Variants in KLHL2 observed in about 807,000 individuals in gnomAD.
KLHL2 encodes the protein kelch-like protein 2.
Under a neutral mutation model 75.8 loss-of-function variants are expected in KLHL2, and 15 were observed. The ratio of observed to expected loss-of-function variants is 0.20; its 90% CI spans 0.13 to 0.30. The LOEUF (loss-of-function observed/expected upper bound fraction) is 0.30, where lower values mean the gene tolerates loss of function less well. Among genes scored for constraint, KLHL2 ranks in the 10% least tolerant of loss-of-function variants. The pLI is 1.00. For missense variants in KLHL2, 381 were observed against 741.0 expected (o/e 0.51, Z 5.64); for synonymous variants, 214 against 251.9 (o/e 0.85, Z 1.42).
chr4:165,321,183 C>G (rs1197254816), intron 14 of KLHL2: 6 of 450,920 alleles, frequency 1.3e-5, no homozygotes, highest in Non-Finnish European at 2.2e-5. Flanking sequence ...AGTGTATTTC[C>G]TTAAAGTTGC....
intron 7 of KLHL2, 74 bp from the exon 8 acceptor site, chr4:165,299,433 T>C (rs1283372549): frequency 7.3e-7 from 1 of 1,378,436 alleles, no homozygotes; most frequent in East Asian, 2.4e-5. Context: ...TCCTCTCCTT[T>C]ACTTCTTTTT....
At chr4:165,245,743 A>G (rs1561003846) in intron 4 of KLHL2, among the ~76,000 whole-genome samples, 1 of 152,134 alleles carries the variant, frequency 6.6e-6, no homozygotes, top group East Asian at 1.9e-4. Context: ...AAGATCTAAG[A>G]TTTGTAAGAC....
rs188329663 is a variant in KLHL2, at chr4:165,291,370, A to G, written c.545-2989A>G. On this transcript the variant is annotated intron_variant, in intron 5 of 14. Coordinates refer to ENST00000226725, the MANE Select transcript of KLHL2 (RefSeq NM_007246.4). ...ACTTAACCATTTTTTTTTCATGGAT[A>G]ATACTTTTGATGTTGTATCTAAAAA... 1.3e-3 allele frequency among the ~76,000 whole-genome samples: 195 copies of G among 152,230 alleles called. 1 individual carries two copies. Among genetic ancestry groups the G allele is most frequent in the Admixed American group, 2.8e-3 (43 of 15,294 alleles).
intron 5 of KLHL2, among the ~76,000 whole-genome samples, chr4:165,270,456 G>T (rs1742598366): frequency 6.6e-6 from 1 of 152,270 alleles, no homozygotes; most frequent in African/African-American, 2.4e-5. Context: ...CATCTTTGTG[G>T]TTTTAACTAC....
chr4:165,267,860 T>G (rs1742360592), intron 5 of KLHL2, among the ~76,000 whole-genome samples: 1 of 152,244 alleles, frequency 6.6e-6, no homozygotes, highest in African/African-American at 2.4e-5. Context: ...CTTTTTATAT[T>G]GATTGGAATA....
rs530415550 is a variant in KLHL2, at chr4:165,262,847, G to A, written c.382-350G>A. Among the ~76,000 whole-genome samples, 19 of 152,232 alleles carry A rather than the reference G, an allele frequency of 1.2e-4. No individual in the cohort carries two copies. In the South Asian group the frequency reaches 2.7e-3, roughly 22 times the overall value. On this transcript the variant is annotated intron_variant, in intron 4 of 14. Coordinates refer to ENST00000226725, the MANE Select transcript of KLHL2 (RefSeq NM_007246.4). ...TCCTGTCTTGGCCTCCCAAAGTGCC[G>A]GGATTACAGGTGTGAGTCACCATGC... is the stretch of plus-strand genomic sequence containing the variant.
chr4:165,278,064 A>G (rs1484460102), intron 5 of KLHL2: 1 of 1,535,882 alleles, frequency 6.5e-7, no homozygotes. Flanking sequence ...GGCAGACTAC[A>G]GAAGACACTA....
chr4:165,287,475 C>G (rs1744180778), intron 5 of KLHL2, among the ~76,000 whole-genome samples: 1 of 152,188 alleles, frequency 6.6e-6, no homozygotes, highest in Non-Finnish European at 1.5e-5. Flanking sequence ...AATATGTCTT[C>G]AAGACCCTGC....
chr4:165,223,814 C>A lies in KLHL2; in HGVS notation c.152+3755C>A, dbSNP rs1738201216. On this transcript the variant is annotated intron_variant, in intron 2 of 14. Transcript: ENST00000226725. ...AAATTTTTCAAAACACCAACATTTT[C>A]AAAATCAACCCAATAGATCTTCACA... The A allele has an allele frequency of 1.5e-5, 3 of 194,900 alleles. No homozygotes were observed. In the South Asian group the frequency reaches 1.7e-4, roughly 11 times the overall value. The allele number at this position is 194,900 out of a possible 1,614,324, so 12.1% of individuals were successfully genotyped here.
At chr4:165,279,180 A>G in intron 5 of KLHL2, 1 of 1,591,934 alleles carries the variant, frequency 6.3e-7, no homozygotes, top group Non-Finnish European at 8.6e-7. Context: ...TCGAGGAGCC[A>G]GCGAAGTTTC....
intron 3 of KLHL2, among the ~76,000 whole-genome samples, chr4:165,238,460 A>G (rs1579015695): frequency 6.6e-6 from 1 of 152,222 alleles, no homozygotes; most frequent in Non-Finnish European, 1.5e-5. Context: ...CATAAAGACA[A>G]CAAGTGCCCA....
Position 165,207,806 on chromosome 4 carries a change from G to GGCGTCCGC in KLHL2, c.-69_-62dup. ...CGCGGCTCGGCGGGCGGGCAGTGCC[G>GGCGTCCGC]GCGTCCGCGGCTGGAATGGTGCTGG... On this transcript the variant is annotated 5_prime_UTR_variant, in exon 1 of 15. The change abolishes the stop of an existing upstream ORF in the 5' untranslated region. Transcript: ENST00000226725. The surrounding 1 kb of genome is among the most constrained non-coding windows in gnomAD (Gnocchi z 4.2). The GGCGTCCGC allele has an allele frequency of 7.4e-7, 1 of 1,348,654 alleles. No homozygotes were observed. Among genetic ancestry groups the GGCGTCCGC allele is most frequent in the Non-Finnish European group, 9.8e-7 (1 of 1,020,026 alleles). The allele number at this position is 1,348,654 out of a possible 1,614,324, so 83.5% of individuals were successfully genotyped here.
At chr4:165,238,706 A>C in intron 3 of KLHL2, 72 bp from the exon 4 acceptor site, 2 of 1,596,152 alleles carry the variant, frequency 1.3e-6, no homozygotes, top group Non-Finnish European at 1.7e-6. Flanking sequence ...AAGATGTATC[A>C]ATCTACATTG....
intron 13 of KLHL2, among the ~76,000 whole-genome samples, 197 bp from the exon 14 acceptor site, chr4:165,317,629 T>G (rs915577365): frequency 6.6e-6 from 1 of 152,312 alleles, no homozygotes; most frequent in Middle Eastern, 3.4e-3. Context: ...CCTTCCAAAG[T>G]GCTGGGATTA....
chr4:165,277,739 GA>G (rs1372436398), intron 5 of KLHL2: 6 of 539,314 alleles, frequency 1.1e-5, no homozygotes, highest in African/African-American at 9.3e-5. Context: ...CTTAACTGTG[GA>G]TGTTAAAAAC....
intron 3 of KLHL2, among the ~76,000 whole-genome samples, chr4:165,231,499 C>A (rs1239564387): frequency 6.6e-6 from 1 of 151,954 alleles, no homozygotes; most frequent in Non-Finnish European, 1.5e-5. Flanking sequence ...TTTACTGAGT[C>A]GTACTGCCAT....
At position 165,319,486 on chromosome 4, in the gene KLHL2, G is replaced by C. The variant is rs549435571; in HGVS notation, c.1753+1517G>C. On this transcript the variant is annotated intron_variant, in intron 14 of 14. Transcript: ENST00000226725. The surrounding 1 kb of genome is among the most constrained non-coding windows in gnomAD (Gnocchi z 4.5). ...CACCATTTCAAAATAAATGAATCCA[G>C]GGTAGGGATCATTGTAAAAAGGAAA... Among the ~76,000 whole-genome samples the C allele has an allele frequency of 3.9e-5, 6 of 152,250 alleles. No individual in the cohort carries two copies. The South Asian group carries it at 1.2e-3, about 32-fold the overall frequency.
chr4:165,277,601 G>A (rs1005041370), intron 5 of KLHL2, among the ~76,000 whole-genome samples: 7 of 152,330 alleles, frequency 4.6e-5, no homozygotes, highest in Middle Eastern at 3.4e-3. Context: ...TCCTGTTCCA[G>A]TAGTGTTTGA....
chr4:165,265,388 C>T (rs1286161536), intron 5 of KLHL2, among the ~76,000 whole-genome samples: 2 of 151,892 alleles, frequency 1.3e-5, no homozygotes, highest in African/African-American at 4.8e-5. Context: ...TTAATTAGGT[C>T]CCATTTATTT....
Sources: gnomAD v4.1 joint callset for allele counts (sites outside exome capture counted in the v4.1 genomes callset) on GRCh38, gnomAD v4.1.1 for gene constraint, Gnocchi (gnomAD v3.1) non-coding constraint, MANE v1.5 for transcripts, NCBI Gene and HGNC (gene_info 2026-07-23, HGNC 2026-07-21) for gene names.